Variants in MSH4 observed in about 807,000 individuals in gnomAD.
The protein encoded by MSH4 is mutS homolog 4.
A neutral mutation model predicts 113.7 loss-of-function variants in MSH4; 106 were observed. The ratio of observed to expected loss-of-function variants is 0.93; its 90% confidence interval spans 0.80 to 1.10. The LOEUF is 1.10. Ranked by LOEUF, MSH4 falls within the 50% of genes least tolerant of loss-of-function variation. The pLI is 0.00. For missense variants in MSH4, 1,061 were observed against 1,093.7 expected (o/e 0.97, Z 0.42); for synonymous variants, 368 against 380.2 (o/e 0.97, Z 0.37).
chr1:75,821,187 G>C lies in MSH4; in HGVS notation c.990-1222G>C, dbSNP rs543679227. ...ACTCCTCAGCAAATGTAAAAGAACAGAAATTATAACAAACTGTCTCTCAGA... is the reference window on the plus strand; with the variant it reads ...ACTCCTCAGCAAATGTAAAAGAACACAAATTATAACAAACTGTCTCTCAGA... On this transcript the variant is annotated intron_variant, in intron 6 of 19. Coordinates refer to ENST00000263187, the MANE Select transcript of MSH4 (RefSeq NM_002440.4). Among the ~76,000 whole-genome samples, 12 of 151,170 alleles carry C rather than the reference G, an allele frequency of 7.9e-5. No homozygotes were observed. The South Asian group carries it at 1.7e-3, about 21-fold the overall frequency.
intron 9 of MSH4, 45 bp from the exon 10 acceptor site, chr1:75,876,891 C>G (rs368823060): frequency 1.9e-5 from 21 of 1,096,516 alleles, no homozygotes; most frequent in Non-Finnish European, 2.3e-5. Flanking sequence ...TTTGAATGAT[C>G]TTGTAATTGA....
intron 7 of MSH4, among the ~76,000 whole-genome samples, chr1:75,828,046 A>T (rs774245048): frequency 6.6e-6 from 1 of 152,234 alleles, no homozygotes; most frequent in Non-Finnish European, 1.5e-5. Flanking sequence ...ACCAATAAAC[A>T]TATGAAAAAA....
intron 16 of MSH4, among the ~76,000 whole-genome samples, chr1:75,889,826 T>C (rs1007788190): frequency 2.8e-4 from 43 of 152,224 alleles, no homozygotes; most frequent in Middle Eastern, 6.8e-3. Context: ...AAACGTCAAG[T>C]AGGCTTTAGA....
Position 75,881,353 on chromosome 1 carries a change from G to C in MSH4, c.1889G>C (p.Cys630Ser). The C allele has an allele frequency of 6.2e-7, 1 of 1,611,444 alleles. No homozygotes were observed. The highest frequency in any genetic ancestry group is 1.1e-5 in the South Asian group (1 of 90,928). ...LDMLLSFAHACTLSDYVRPEF... is the reference protein window; with the variant it reads ...LDMLLSFAHASTLSDYVRPEF... Reference sequence around the variant, plus strand: ...ATGCTACTGTCATTTGCTCATGCCTGCACTCTTTCTGACTATGGTAAGTTG... The same window carrying C: ...ATGCTACTGTCATTTGCTCATGCCTCCACTCTTTCTGACTATGGTAAGTTG... The change falls in exon 14 of 20, where the codon TGC (cysteine) becomes TCC (serine). Residue 630 changes from cysteine to serine, a missense_variant. Cys to Ser is a moderately radical substitution (Grantham distance 112). Transcript: ENST00000263187.
intron 15 of MSH4, among the ~76,000 whole-genome samples, chr1:75,886,508 A>G (rs1187745898): frequency 8.5e-6 from 1 of 117,256 alleles, no homozygotes; most frequent in Non-Finnish European, 1.7e-5. Flanking sequence ...GATGTATTAT[A>G]TATAATATAT....
chr1:75,801,333 G>A (rs1312794393), intron 1 of MSH4, among the ~76,000 whole-genome samples: 1 of 152,014 alleles, frequency 6.6e-6, no homozygotes, highest in Non-Finnish European at 1.5e-5. Context: ...GGGAGGCTGA[G>A]GTGGGCAGAT....
In MSH4 at chr1:75,890,855, G is replaced by C. The variant is rs144266216; in HGVS notation, c.2355+31G>C. 5.9e-4 allele frequency: 856 copies of C among 1,462,476 alleles called. 8 individuals are homozygous for C. In the East Asian group the frequency reaches 0.017, roughly 28 times the overall value. The allele number at this position is 1,462,476 out of a possible 1,614,324, so 90.6% of individuals were successfully genotyped here. On this transcript the variant is annotated intron_variant, in intron 17 of 19. Transcript: ENST00000263187. ...CTTTTATTTTAAGTATATTGATTTT[G>C]AGTCCTTCTTTATGTATCCTTTTAT... is the stretch of plus-strand genomic sequence containing the variant.
intron 7 of MSH4, among the ~76,000 whole-genome samples, chr1:75,831,340 G>A (rs758146456): frequency 1.1e-4 from 17 of 151,974 alleles, no homozygotes; most frequent in South Asian, 8.3e-4. Context: ...AATAATAGTC[G>A]GAGACTTTAA....
chr1:75,892,226 G>T (rs1239982564), intron 17 of MSH4, among the ~76,000 whole-genome samples: 1 of 152,072 alleles, frequency 6.6e-6, no homozygotes, highest in Non-Finnish European at 1.5e-5. Flanking sequence ...CTTTTTCTGG[G>T]TCTGGAACCT....
chr1:75,881,403 A>G (rs1651929719), intron 14 of MSH4, 33 bp downstream of exon 14: 3 of 1,598,996 alleles, frequency 1.9e-6, no homozygotes, highest in African/African-American at 1.3e-5. Flanking sequence ...AACATATTGC[A>G]TAGTTAAATT....
chr1:75,848,069 T>C (rs962161546), intron 7 of MSH4, 140 bp from the exon 8 acceptor site: 1 of 533,006 alleles, frequency 1.9e-6, no homozygotes, highest in Non-Finnish European at 3.3e-6. Flanking sequence ...ATTTTACATG[T>C]AAGATAGTTA....
intron 8 of MSH4, among the ~76,000 whole-genome samples, chr1:75,848,850 ATAAC>A (rs748429786): frequency 6.5e-4 from 99 of 152,278 alleles, no homozygotes; most frequent in Admixed American, 3.5e-3. Context: ...TATTTGCCTA[ATAAC>A]TAACTAACTA....
At chr1:75,863,362 C>T (rs1651500344) in intron 8 of MSH4, among the ~76,000 whole-genome samples, 1 of 152,084 alleles carries the variant, frequency 6.6e-6, no homozygotes, top group African/African-American at 2.4e-5. Flanking sequence ...AACTAGTTAG[C>T]CTGCCATAGT....
Position 75,898,520 on chromosome 1 carries a change from A to T in MSH4, c.2530+439A>T, listed in dbSNP as rs866689261. Among the ~76,000 whole-genome samples, 53 of 141,556 alleles carry T rather than the reference A, an allele frequency of 3.7e-4. No homozygotes were observed. The South Asian group carries it at 3.8e-3, about 10-fold the overall frequency. 92.9% of individuals were successfully genotyped at this position (141,556 alleles called of 152,430 possible). A position where few individuals can be genotyped will look rare whatever the true frequency, so the allele number is the denominator to read the frequency against. ...AAAAGAGAATGTATTACCAAACCAT[A>T]TTTTTTTTTTTTTTTTGAGACAAAG... On this transcript the variant is annotated intron_variant, in intron 18 of 19. Transcript: ENST00000263187.
chr1:75,844,565 G>T (rs796149071), intron 7 of MSH4, among the ~76,000 whole-genome samples: 23 of 151,888 alleles, frequency 1.5e-4, no homozygotes, highest in African/African-American at 5.3e-4. Flanking sequence ...AAGCTCAAGT[G>T]ATCTCCTGCC....
rs771356882 is a variant in MSH4, at chr1:75,816,554, C to T, written c.989+8C>T. On this transcript the variant is annotated splice_region_variant and intron_variant, in intron 6 of 19. Transcript: ENST00000263187. ...TAATAATCAAGACTATAGGTAAGAT[C>T]ATCCATTTTATTTGTATAAAATATA... The T allele has an allele frequency of 2.7e-6, 4 of 1,484,336 alleles. No homozygotes were observed. The highest frequency in any genetic ancestry group is 3.7e-6 in the Non-Finnish European group (4 of 1,095,238). The allele number at this position is 1,484,336 out of a possible 1,614,324, so 91.9% of individuals were successfully genotyped here.
intron 19 of MSH4, among the ~76,000 whole-genome samples, chr1:75,907,689 CATATATATATA>C (rs1652694658): frequency 3.8e-5 from 3 of 78,622 alleles, no homozygotes; most frequent in Admixed American, 3.1e-4. Flanking sequence ...TCTCTCTATA[CATATATATATA>C]TATATATATA....
intron 8 of MSH4, among the ~76,000 whole-genome samples, chr1:75,866,706 C>T (rs542523045): frequency 6.6e-6 from 1 of 151,926 alleles, no homozygotes; most frequent in Non-Finnish European, 1.5e-5. Flanking sequence ...TCTGGCTAGG[C>T]ATGGTGGCTC....
intron 6 of MSH4, among the ~76,000 whole-genome samples, chr1:75,821,914 A>G (rs558889100): frequency 1.3e-5 from 2 of 152,280 alleles, no homozygotes; most frequent in South Asian, 2.1e-4. Flanking sequence ...CGTGGCCCAA[A>G]ATGTAGAACC....
Sources: allele counts gnomAD v4.1 joint callset (sites outside exome capture counted in the v4.1 genomes callset), GRCh38; gene constraint gnomAD v4.1.1; transcripts MANE v1.5; gene names NCBI Gene and HGNC (gene_info 2026-07-23, HGNC 2026-07-21).